The following KLF13 variants were observed in gnomAD, a reference collection of about 807,000 sequenced individuals.
KLF13 encodes the protein KLF transcription factor 13, also known as Krueppel-like factor 13.
A neutral mutation model predicts 16.7 loss-of-function variants in KLF13; 8 were observed. The observed-to-expected ratio is 0.48, with a 90% CI of 0.28 to 0.87. The LOEUF is 0.87. Among genes scored for constraint, KLF13 ranks in the 40% least tolerant of loss-of-function variants. The probability of loss-of-function intolerance (pLI) is 0.10; values close to 1 mark genes in which losing one functional copy is unlikely to be tolerated. For missense variants in KLF13, 447 were observed against 452.2 expected, an observed-to-expected ratio of 0.99 and a Z score of 0.10; for synonymous variants, 245 against 208.4, an observed-to-expected ratio of 1.18 and a Z score of -1.51.
chr15:31,332,382 G>T (rs1011933320), intron 1 of KLF13, among the ~76,000 whole-genome samples: 1 of 152,202 alleles, frequency 6.6e-6, no homozygotes, highest in Admixed American at 6.5e-5. Flanking sequence ...TGTCACTCCC[G>T]CACGCCTGGT....
downstream of KLF13, among the ~76,000 whole-genome samples, chr15:31,409,071 G>T (rs1287949440): frequency 6.6e-6 from 1 of 152,148 alleles, no homozygotes; most frequent in Non-Finnish European, 1.5e-5. Context: ...GATCACCTGA[G>T]GTCAGGAGTT....
chr15:31,334,553 A>T (rs1481684521), intron 1 of KLF13, among the ~76,000 whole-genome samples: 1 of 149,230 alleles, frequency 6.7e-6, no homozygotes, highest in East Asian at 2.0e-4. Flanking sequence ...TCAGCCTCCC[A>T]AGTAGCTGGG....
downstream of KLF13, among the ~76,000 whole-genome samples, chr15:31,380,690 G>T (rs2039712674): frequency 6.6e-6 from 1 of 152,168 alleles, no homozygotes; most frequent in African/African-American, 2.4e-5. Context: ...TAAAATTCCT[G>T]CCATTGGCAC....
Position 31,327,631 on chromosome 15 carries a change from C to A in KLF13, c.419C>A (p.Ala140Glu). 7.3e-7 allele frequency: 1 copy of A among 1,371,608 alleles called. No individual in the cohort carries two copies. Among genetic ancestry groups the A allele is most frequent in the South Asian group, 1.5e-5 (1 of 66,028 alleles). 85.0% of individuals were successfully genotyped at this position (1,371,608 alleles called of 1,614,324 possible). A position where few individuals can be genotyped will look rare whatever the true frequency, so the allele number is the denominator to read the frequency against. Residue 140 changes from alanine (A) to glutamate (E), a missense_variant, in exon 1 of 2, where the codon GCG becomes GAG. Ala to Glu is a moderately radical substitution (Grantham distance 107). Coordinates refer to ENST00000307145, the MANE Select transcript of KLF13 (RefSeq NM_015995.4). The stretch of plus-strand genomic sequence containing the variant: ...GAGCCCGAGCGGGAGCCGGGGCCCG[C>A]GGGGAGCGGCGAGCCCGGCCTCAGA... ...GLEPEREPGPAGSGEPGLRQR... is the reference protein window; with the variant it reads ...GLEPEREPGPEGSGEPGLRQR...
chr15:31,358,492 T>G (rs907927985), intron 1 of KLF13, among the ~76,000 whole-genome samples: 8 of 152,272 alleles, frequency 5.3e-5, no homozygotes, highest in African/African-American at 1.9e-4. Flanking sequence ...TGAATTTTCA[T>G]AATAACAAAT....
At chr15:31,343,423 T>A (rs1215444121) in intron 1 of KLF13, among the ~76,000 whole-genome samples, 2 of 152,214 alleles carry the variant, frequency 1.3e-5, no homozygotes, top group African/African-American at 4.8e-5. Flanking sequence ...TCTGCACACC[T>A]CCCACCAGGT....
downstream of KLF13, among the ~76,000 whole-genome samples, chr15:31,406,288 C>A (rs1211673957): frequency 6.6e-6 from 1 of 152,134 alleles, no homozygotes; most frequent in Non-Finnish European, 1.5e-5. Flanking sequence ...ACCAGCCGGG[C>A]CAACATGGCG....
At chr15:31,361,117 G>T (rs1209295314) in intron 1 of KLF13, among the ~76,000 whole-genome samples, 3 of 152,194 alleles carry the variant, frequency 2.0e-5, no homozygotes, top group African/African-American at 7.2e-5. Flanking sequence ...CCCAGCCTGG[G>T]CAAGCCTGCC....
rs568991160 is a variant in KLF13, at chr15:31,430,204, C to A, written n.118-5166C>A. Among the ~76,000 whole-genome samples, 14 of 152,008 alleles carry A rather than the reference C, an allele frequency of 9.2e-5. No homozygotes were observed. In the South Asian group the frequency reaches 2.9e-3, roughly 32 times the overall value. Reference sequence around the variant, plus strand: ...AGGACACTATTAAGAGAGTGAAAAGCTAAGTCACAAAGTGAAAGAAGATAT... The same window carrying A: ...AGGACACTATTAAGAGAGTGAAAAGATAAGTCACAAAGTGAAAGAAGATAT... On this transcript the variant is annotated intron_variant and non_coding_transcript_variant, in intron 1 of 1. Transcript: ENST00000558225.
chr15:31,385,866 G>A (rs578027554), intron 1 of KLF13, among the ~76,000 whole-genome samples: 2 of 152,362 alleles, frequency 1.3e-5, no homozygotes, highest in Admixed American at 1.3e-4. Flanking sequence ...TTAAGCTAGT[G>A]AGGAAGCCAT....
At chr15:31,389,576 T>A (rs2039834586), upstream of KLF13, among the ~76,000 whole-genome samples, 1 of 152,238 alleles carries the variant, frequency 6.6e-6, no homozygotes, top group Non-Finnish European at 1.5e-5. Flanking sequence ...CATTAGCTCT[T>A]ACTCCCCTAT....
rs1046861451 is a variant in KLF13, at chr15:31,377,155, A to C, written c.*4856A>C. ...TGCCAGGCCATGCACTCAGCAGAGG[A>C]GCCCTTGTACCTGGCTGCCCTGAGA... On this transcript the variant is annotated 3_prime_UTR_variant, in exon 2 of 2. Transcript: ENST00000307145. 2.6e-5 allele frequency: 4 copies of C among 152,598 alleles called. No homozygotes were observed. The highest frequency in any genetic ancestry group is 7.2e-5 in the African/African-American group (3 of 41,564). The allele number at this position is 152,598 out of a possible 1,614,324, so 9.5% of individuals were successfully genotyped here. A position where few individuals can be genotyped will look rare whatever the true frequency, so the allele number is the denominator to read the frequency against.
chr15:31,343,346 G>A (rs1035271677), intron 1 of KLF13, among the ~76,000 whole-genome samples: 6 of 152,226 alleles, frequency 3.9e-5, no homozygotes, highest in African/African-American at 1.4e-4. Context: ...GCCGTAAGGC[G>A]GGATGCAGTG....
chr15:31,345,208 A>C (rs2039093170), intron 1 of KLF13, among the ~76,000 whole-genome samples: 1 of 152,052 alleles, frequency 6.6e-6, no homozygotes. Context: ...TCGGGCTGGG[A>C]TTGTGGGGTG....
At chr15:31,379,353 C>T (rs961852091), downstream of KLF13, among the ~76,000 whole-genome samples, 1 of 152,116 alleles carries the variant, frequency 6.6e-6, no homozygotes, top group African/African-American at 2.4e-5. Context: ...ATTTATTGCT[C>T]AGTAACTTCC....
intron 2 of KLF13, among the ~76,000 whole-genome samples, chr15:31,398,499 G>A (rs1595498559): frequency 6.6e-6 from 1 of 152,162 alleles, no homozygotes; most frequent in South Asian, 2.1e-4. Flanking sequence ...TCTGGCCAGC[G>A]CCTATTTCAG....
chr15:31,345,591 G>A (rs964862214), intron 1 of KLF13, among the ~76,000 whole-genome samples: 3 of 152,214 alleles, frequency 2.0e-5, no homozygotes, highest in East Asian at 1.9e-4. Context: ...AGGGTGGGAC[G>A]GAGAAAGCCC....
chr15:31,407,569 G>T (rs1043497286), downstream of KLF13, among the ~76,000 whole-genome samples: 2 of 152,134 alleles, frequency 1.3e-5, no homozygotes, highest in Non-Finnish European at 2.9e-5. Flanking sequence ...GATTTTAAAA[G>T]TTAACCACCC....
chr15:31,364,909 C>A (rs549383436), intron 1 of KLF13, among the ~76,000 whole-genome samples: 3 of 152,322 alleles, frequency 2.0e-5, no homozygotes, highest in Admixed American at 2.0e-4. Flanking sequence ...TTAGGAAGTC[C>A]ACCCCCCACC....
Sources: allele counts gnomAD v4.1 joint callset (sites outside exome capture counted in the v4.1 genomes callset), GRCh38; gene constraint gnomAD v4.1.1; transcripts MANE v1.5; gene names NCBI Gene and HGNC (gene_info 2026-07-23, HGNC 2026-07-21).